FTO: variants seen among roughly 807,000 people sequenced by gnomAD.
The protein encoded by FTO is alpha-ketoglutarate-dependent dioxygenase FTO.
In FTO, 47 loss-of-function variants were observed where a neutral mutation model predicts 63.9. The ratio of observed to expected loss-of-function variants is 0.74; its 90% CI spans 0.58 to 0.94. The LOEUF (loss-of-function observed/expected upper bound fraction) is 0.94, where lower values mean the gene tolerates loss of function less well. Ranked by LOEUF, FTO falls within the 40% of genes least tolerant of loss-of-function variation. The pLI is 0.00. For synonymous variants in FTO, 207 were observed against 224.4 expected, an observed-to-expected ratio of 0.92 and a Z score of 0.69; for missense variants, 562 against 618.1, an observed-to-expected ratio of 0.91 and a Z score of 0.96.
Position 53,704,157 on chromosome 16 carries a change from C to A in FTO, c.-28C>A. The A allele has an allele frequency of 2.6e-6, 4 of 1,551,092 alleles. No individual in the cohort carries two copies. The highest frequency in any genetic ancestry group is 3.5e-6 in the Non-Finnish European group (4 of 1,146,452). ...CAGGGCGAGGGATCTACGCAGCTTG[C>A]GGTGGCGAAGGCGGCTTTAGTGGCA... On this transcript the variant is annotated 5_prime_UTR_variant, in exon 1 of 9. Coordinates refer to ENST00000471389, the MANE Select transcript of FTO (RefSeq NM_001080432.3).
intron 8 of FTO, among the ~76,000 whole-genome samples, chr16:54,027,535 C>T (rs1372427445): frequency 6.6e-6 from 1 of 151,838 alleles, no homozygotes; most frequent in Non-Finnish European, 1.5e-5. Flanking sequence ...TTCTACTTTC[C>T]CTCTTCCCTA....
At chr16:53,990,655 T>TTTTTA (rs142836988) in intron 8 of FTO, among the ~76,000 whole-genome samples, 16,863 of 144,558 alleles carry the variant, frequency 0.12, 1,263 homozygotes, top group Admixed American at 0.24. Context: ...TTTCCTTTTC[T>TTTTTA]TTTTATTTTA....
intron 8 of FTO, among the ~76,000 whole-genome samples, chr16:54,040,908 A>G (rs2085061195): frequency 1.3e-5 from 2 of 152,230 alleles, no homozygotes; most frequent in African/African-American, 2.4e-5. Context: ...TGTGTTTTAT[A>G]TGGGACCGAA....
At chr16:53,788,476 G>T (rs923945267) in intron 1 of FTO, among the ~76,000 whole-genome samples, 1 of 151,752 alleles carries the variant, frequency 6.6e-6, no homozygotes, top group African/African-American at 2.4e-5. Flanking sequence ...GGTGGTGGGC[G>T]CCTGTAATCC....
At chr16:53,843,678 A>G (rs971743035) in intron 3 of FTO, among the ~76,000 whole-genome samples, 2 of 152,190 alleles carry the variant, frequency 1.3e-5, no homozygotes, top group Admixed American at 1.3e-4. Context: ...TCATCTAAAA[A>G]ATGATCCCTT....
intron 8 of FTO, among the ~76,000 whole-genome samples, chr16:54,058,053 G>A (rs1353111927): frequency 4.6e-5 from 7 of 152,082 alleles, no homozygotes; most frequent in African/African-American, 1.7e-4. Context: ...GGTACTGTGT[G>A]GTTGACATAG....
chr16:53,969,096 A>G (rs1245166223), intron 8 of FTO, among the ~76,000 whole-genome samples: 1 of 152,224 alleles, frequency 6.6e-6, no homozygotes, highest in Non-Finnish European at 1.5e-5. Context: ...AAGCATTCTT[A>G]TCTCCTGACT....
chr16:53,967,214 G>C (rs1567481217), intron 8 of FTO, among the ~76,000 whole-genome samples: 1 of 151,826 alleles, frequency 6.6e-6, no homozygotes, highest in Non-Finnish European at 1.5e-5. Flanking sequence ...GCTCTCCCTT[G>C]ATCTCCTGCT....
At chr16:53,990,396 T>C (rs2083780866) in intron 8 of FTO, among the ~76,000 whole-genome samples, 2 of 152,166 alleles carry the variant, frequency 1.3e-5, no homozygotes, top group Admixed American at 1.3e-4. Flanking sequence ...CAGTAAAGCC[T>C]GGCAGGGGTG....
In FTO at chr16:53,980,223, C is replaced by G. The variant is rs1262376451; in HGVS notation, c.1364+46114C>G. 3.9e-5 allele frequency among the ~76,000 whole-genome samples: 6 copies of G among 152,298 alleles called. No homozygotes were observed. In the South Asian group the frequency reaches 8.3e-4, roughly 21 times the overall value. On this transcript the variant is annotated intron_variant, in intron 8 of 8. Transcript: ENST00000471389. ...TTCTGACAAGAATCCCTGGATTTCT[C>G]TCACACTCTTCTAGCTTGATGCTAT...
In FTO at chr16:53,759,076, C is replaced by T. The variant is rs969519223; in HGVS notation, c.46-51064C>T. Among the ~76,000 whole-genome samples, 6 of 151,986 alleles carry T rather than the reference C, an allele frequency of 3.9e-5. No homozygotes were observed. In the South Asian group the frequency reaches 1.0e-3, roughly 26 times the overall value. ...TGTTGGTAATTGTTGAAGCATGCTG[C>T]GTAATGGGCGCATAGGGGTTCATTA... On this transcript the variant is annotated intron_variant, in intron 1 of 8. Transcript: ENST00000471389.
At chr16:53,737,898 A>G (rs2076426659) in intron 1 of FTO, among the ~76,000 whole-genome samples, 1 of 152,134 alleles carries the variant, frequency 6.6e-6, no homozygotes, top group South Asian at 2.1e-4. Flanking sequence ...GGCTTCTTCC[A>G]CTTAGCATGA....
At chr16:54,071,836 G>A (rs1297597572) in intron 8 of FTO, 2 of 152,096 alleles carry the variant, frequency 1.3e-5, no homozygotes, top group African/African-American at 4.8e-5. Context: ...CTGCCTAAAT[G>A]GGATCCATCA....
chr16:53,774,947 C>T (rs1380054138), intron 1 of FTO, among the ~76,000 whole-genome samples: 1 of 152,134 alleles, frequency 6.6e-6, no homozygotes, highest in Admixed American at 6.5e-5. Context: ...GACTATGTTG[C>T]CTGCAGAAAA....
intron 8 of FTO, chr16:54,013,450 G>A (rs571217523): frequency 2.6e-5 from 4 of 151,468 alleles, no homozygotes; most frequent in East Asian, 1.9e-4. Flanking sequence ...TACATAAACC[G>A]AGTTGATGAA....
chr16:53,920,860 T>TG (rs138501252), intron 7 of FTO, among the ~76,000 whole-genome samples: 3,253 of 152,242 alleles, frequency 0.021, 41 homozygotes, highest in Middle Eastern at 0.037. Flanking sequence ...TCTCTAGGCC[T>TG]GGGGGCAGTA....
At chr16:53,755,665 A>C (rs1358180994) in intron 1 of FTO, among the ~76,000 whole-genome samples, 1 of 152,160 alleles carries the variant, frequency 6.6e-6, no homozygotes, top group Non-Finnish European at 1.5e-5. Flanking sequence ...CTGCTGCCCA[A>C]AATGCAGATT....
At chr16:53,812,978 TCA>T (rs2078574096) in intron 2 of FTO, among the ~76,000 whole-genome samples, 1 of 152,228 alleles carries the variant, frequency 6.6e-6, no homozygotes. Context: ...ACATGCATTG[TCA>T]CAAAGCAACT....
rs35605359 is a variant in FTO at position 53,753,252 on chromosome 16, C to CAAA, written c.45+49037_45+49039dup. On this transcript the variant is annotated intron_variant, in intron 1 of 8. Coordinates refer to ENST00000471389, the MANE Select transcript of FTO (RefSeq NM_001080432.3). ...TGGGCAACAGAGAGAGACCCTGTCT[C>CAAA]AAAAAAAAAAAAAAAACAAAACAAA... Among the ~76,000 whole-genome samples the CAAA allele has an allele frequency of 7.7e-3, 603 of 77,930 alleles. 8 individuals are homozygous for CAAA. The highest frequency in any genetic ancestry group is 0.062 in the East Asian group (161 of 2,578). 51.1% of individuals were successfully genotyped at this position (77,930 alleles called of 152,430 possible).
Sources: allele counts gnomAD v4.1 joint callset (sites outside exome capture counted in the v4.1 genomes callset), GRCh38; gene constraint gnomAD v4.1.1; transcripts MANE v1.5; gene names NCBI Gene and HGNC (gene_info 2026-07-23, HGNC 2026-07-21).